The following FBXO34 variants were observed in gnomAD, a reference collection of about 807,000 sequenced individuals.
FBXO34 encodes the protein F-box protein 34.
In FBXO34, 12 loss-of-function variants were observed where a neutral mutation model predicts 24.5. That is an observed-to-expected ratio of 0.49 (90% CI 0.31 to 0.79). The LOEUF is 0.79. Among genes scored for constraint, FBXO34 ranks in the 30% least tolerant of loss-of-function variants. FBXO34 has a pLI of 0.04. For missense variants in FBXO34, 823 were observed against 857.7 expected, an observed-to-expected ratio of 0.96 and a Z score of 0.51; for synonymous variants, 320 against 311.9, an observed-to-expected ratio of 1.03 and a Z score of -0.27.
the FBXO34 span, chr14:55,391,223 C>T: frequency 2.0e-5 from 7 of 344,698 alleles, no homozygotes; most frequent in East Asian, 7.8e-5. Flanking sequence ...CGCCTGTAAT[C>T]GCAGCACTTT....
chr14:55,293,865 G>A (rs1040905489), intron 1 of FBXO34, among the ~76,000 whole-genome samples: 7 of 149,934 alleles, frequency 4.7e-5, no homozygotes, highest in African/African-American at 1.7e-4. Flanking sequence ...GCACAGATTT[G>A]TGTGTGTGTG....
the FBXO34 span, chr14:55,391,037 G>A: frequency 7.5e-7 from 1 of 1,333,584 alleles, no homozygotes; most frequent in Admixed American, 2.1e-5. Flanking sequence ...GGTCTCTTAT[G>A]GTTAATATGA....
intron 1 of FBXO34, chr14:55,299,009 C>T: frequency 6.2e-7 from 1 of 1,608,784 alleles, no homozygotes; most frequent in Non-Finnish European, 8.5e-7. Context: ...TAATGCAGGA[C>T]ATTGCTGACC....
the FBXO34 span, among the ~76,000 whole-genome samples, chr14:55,427,880 CTTT>C: frequency 1.9e-4 from 25 of 130,876 alleles, no homozygotes; most frequent in South Asian, 4.2e-3. Context: ...GTTAGGATTG[CTTT>C]TTTTTTTTTT....
the FBXO34 span, chr14:55,386,075 G>C: frequency 6.2e-7 from 1 of 1,609,878 alleles, no homozygotes; most frequent in Non-Finnish European, 8.5e-7. Context: ...CTTTTCCTTG[G>C]TTTTGAGAAG....
intron 1 of FBXO34, among the ~76,000 whole-genome samples, chr14:55,330,906 A>G (rs545839675): frequency 1.5e-4 from 23 of 152,252 alleles, no homozygotes; most frequent in Middle Eastern, 6.8e-3. Context: ...AACCTTTTCT[A>G]TGGATGGAGA....
exon 3 of FBXO34, chr14:55,367,422 TAAA>T (rs1018365393): frequency 6.6e-6 from 1 of 152,146 alleles, no homozygotes; most frequent in Admixed American, 6.5e-5. Flanking sequence ...GCTGAGCACT[TAAA>T]ACAGAGATCC....
chr14:55,349,050 G>C (rs1487694444), intron 1 of FBXO34, among the ~76,000 whole-genome samples: 1 of 152,120 alleles, frequency 6.6e-6, no homozygotes, highest in Non-Finnish European at 1.5e-5. Flanking sequence ...TGGGACTGCA[G>C]ATCTTTAGTT....
At chr14:55,436,713 T>C in the FBXO34 span, 1 of 1,614,172 alleles carries the variant, frequency 6.2e-7, no homozygotes, top group Admixed American at 1.7e-5. Flanking sequence ...AATGGGAATT[T>C]GACAAACTGC....
At chr14:55,396,913 TGAG>T in the FBXO34 span, among the ~76,000 whole-genome samples, 1 of 152,236 alleles carries the variant, frequency 6.6e-6, no homozygotes, top group East Asian at 1.9e-4. Flanking sequence ...TCAGAATCTC[TGAG>T]GATAGGATTC....
chr14:55,285,262 A>G lies in FBXO34; in HGVS notation c.-11+13725A>G, dbSNP rs141173924. ...GTGGCGCATTCCTGGAATCCCAGCT[A>G]CTTGGGCTGATTCAGAAGAATGGCT... On this transcript the variant is annotated intron_variant, in intron 1 of 1. Transcript: ENST00000313833. 4.3e-3 allele frequency: 636 copies of G among 147,170 alleles called. 53 individuals are homozygous for G. The highest frequency in any genetic ancestry group is 0.014 in the Middle Eastern group (4 of 280). 9.1% of individuals were successfully genotyped at this position (147,170 alleles called of 1,614,324 possible).
At chr14:55,411,520 G>T in the FBXO34 span, 2 of 1,362,570 alleles carry the variant, frequency 1.5e-6, no homozygotes, top group Non-Finnish European at 2.0e-6. Context: ...GCCCGGACGG[G>T]GAGCCCCAGG....
At chr14:55,286,408 T>G (rs544656291) in intron 1 of FBXO34, among the ~76,000 whole-genome samples, 1 of 152,354 alleles carries the variant, frequency 6.6e-6, no homozygotes, top group Non-Finnish European at 1.5e-5. Flanking sequence ...GTGGTGTAGA[T>G]ATCTTGAAAT....
chr14:55,311,361 A>G (rs368559123), intron 1 of FBXO34, among the ~76,000 whole-genome samples: 2 of 152,172 alleles, frequency 1.3e-5, no homozygotes, highest in African/African-American at 2.4e-5. Flanking sequence ...ATAATTCAAG[A>G]TAAGAGTTGG....
At chr14:55,298,751 C>T (rs763492058) in intron 1 of FBXO34, 406 of 1,571,782 alleles carry the variant, frequency 2.6e-4, no homozygotes, top group Non-Finnish European at 3.5e-4. Context: ...AACAGGAGTT[C>T]CTGGAGAAGA....
chr14:55,329,141 G>A (rs1017298633), intron 1 of FBXO34, among the ~76,000 whole-genome samples: 3 of 151,202 alleles, frequency 2.0e-5, no homozygotes, highest in South Asian at 2.1e-4. Flanking sequence ...TCTTTAAAAC[G>A]TGGTTTATTT....
chr14:55,411,069 G>A, the FBXO34 span, among the ~76,000 whole-genome samples: 1 of 152,102 alleles, frequency 6.6e-6, no homozygotes, highest in Non-Finnish European at 1.5e-5. Flanking sequence ...GAGGCAGGGA[G>A]GGGAAAGGGG....
Position 55,347,129 on chromosome 14 carries a change from A to G in FBXO34, c.-10-3252A>G, listed in dbSNP as rs574084746. On this transcript the variant is annotated intron_variant, in intron 1 of 1. Coordinates refer to ENST00000313833, the MANE Select transcript of FBXO34 (RefSeq NM_017943.4). ...TGATGTGTAGGTGCTATAAACCTGC[A>G]TTTTACTTTATTGCAAGAGAGCAGG... is the stretch of plus-strand genomic sequence containing the variant. Among the ~76,000 whole-genome samples the G allele has an allele frequency of 4.6e-5, 7 of 152,280 alleles. No individual in the cohort carries two copies. The East Asian group carries it at 1.2e-3, about 25-fold the overall frequency.
At chr14:55,424,060 A>T in the FBXO34 span, 1 of 801,042 alleles carries the variant, frequency 1.2e-6, no homozygotes, top group Non-Finnish European at 2.0e-6. Context: ...GTATAACAAG[A>T]ATTACTTTAC....
Sources: allele counts gnomAD v4.1 joint callset (sites outside exome capture counted in the v4.1 genomes callset), GRCh38; gene constraint gnomAD v4.1.1; transcripts MANE v1.5; gene names NCBI Gene and HGNC (gene_info 2026-07-23, HGNC 2026-07-21).